ANK2: variants seen among roughly 807,000 people sequenced by gnomAD.
The protein encoded by ANK2 is ankyrin 2, also known as ankyrin-2.
ANK2 carries 83 observed loss-of-function variants against 360.5 expected under a neutral mutation model. The ratio of observed to expected loss-of-function variants is 0.23; its 90% CI spans 0.19 to 0.28. ANK2 has a LOEUF of 0.28. Ranked by LOEUF, ANK2 falls within the 10% of genes least tolerant of loss-of-function variation. The pLI is 1.00. For synonymous variants in ANK2, 1,740 were observed against 1,759.5 expected (o/e 0.99, Z 0.28); for missense variants, 4,201 against 4,795.7 (o/e 0.88, Z 3.66).
chr4:113,187,227 A>G (rs1267151540), intron 2 of ANK2, among the ~76,000 whole-genome samples: 1 of 152,170 alleles, frequency 6.6e-6, no homozygotes, highest in African/African-American at 2.4e-5. Context: ...GAGAATTTGC[A>G]ATGTGATATT....
chr4:112,965,114 G>C (rs917355918), intron 2 of ANK2, among the ~76,000 whole-genome samples: 1 of 152,126 alleles, frequency 6.6e-6, no homozygotes, highest in Non-Finnish European at 1.5e-5. Flanking sequence ...TTACATTTTT[G>C]TCAATAGTAT....
chr4:113,106,543 A>T (rs17625809), intron 1 of ANK2, among the ~76,000 whole-genome samples: 29,508 of 152,058 alleles, frequency 0.19, 2,934 homozygotes, highest in Non-Finnish European at 0.22. Flanking sequence ...TCTTTTTGGG[A>T]TCAGTCGTAA....
chr4:112,941,459 A>G (rs1021524582), intron 2 of ANK2, among the ~76,000 whole-genome samples: 158 of 144,062 alleles, frequency 1.1e-3, no homozygotes, highest in Non-Finnish European at 2.2e-3. Flanking sequence ...TCTTTTATAA[A>G]TATATCTTTA....
intron 24 of ANK2, among the ~76,000 whole-genome samples, chr4:113,317,046 A>C (rs1435984422): frequency 6.6e-6 from 1 of 152,190 alleles, no homozygotes; most frequent in Non-Finnish European, 1.5e-5. Context: ...CAGGACATGC[A>C]AAGGGGACAG....
At chr4:112,733,589 C>G in the ANK2 span, among the ~76,000 whole-genome samples, 2 of 152,124 alleles carry the variant, frequency 1.3e-5, no homozygotes, top group African/African-American at 4.8e-5. Context: ...GGTTTTTTCA[C>G]TGATACAGAC....
At chr4:113,348,338 G>C (rs766170847) in intron 36 of ANK2, 30 bp downstream of exon 36, 3 of 1,609,032 alleles carry the variant, frequency 1.9e-6, no homozygotes, top group Non-Finnish European at 2.6e-6. Context: ...ACTTGTTATC[G>C]GCTGTGTCAT....
rs1170201861 is a variant in ANK2 at position 113,352,717 on chromosome 4, GTTCT to G, written c.4427-325_4427-322del. On this transcript the variant is annotated intron_variant, in intron 37 of 45. Coordinates refer to ENST00000357077, the MANE Select transcript of ANK2 (RefSeq NM_001148.6). ...AGATACCTCTGTGTAATTTCACTGC[GTTCT>G]TTGTTTTGATATGTAGTGTTTTTTT... 4.6e-5 allele frequency among the ~76,000 whole-genome samples: 7 copies of G among 151,014 alleles called. No individual in the cohort carries two copies. The East Asian group carries it at 7.7e-4, about 17-fold the overall frequency.
intron 1 of ANK2, among the ~76,000 whole-genome samples, chr4:112,863,831 T>C (rs2069121378): frequency 6.6e-6 from 1 of 152,200 alleles, no homozygotes; most frequent in Non-Finnish European, 1.5e-5. Flanking sequence ...CTAGAGTGTC[T>C]TTATTATTAT....
chr4:112,812,540 T>A, the ANK2 span, among the ~76,000 whole-genome samples: 1 of 152,196 alleles, frequency 6.6e-6, no homozygotes, highest in Non-Finnish European at 1.5e-5. Context: ...ATGTTCCAGT[T>A]CAGGCACCAG....
chr4:113,073,357 T>C (rs2078537563), intron 1 of ANK2, among the ~76,000 whole-genome samples: 1 of 152,130 alleles, frequency 6.6e-6, no homozygotes, highest in Non-Finnish European at 1.5e-5. Context: ...GGAGCTCTGA[T>C]TCTTGACTGG....
intron 2 of ANK2, among the ~76,000 whole-genome samples, chr4:113,179,514 A>G (rs2098338427): frequency 6.6e-6 from 1 of 152,262 alleles, no homozygotes; most frequent in Non-Finnish European, 1.5e-5. Context: ...TAAATTTGGC[A>G]CATGAAAATA....
At chr4:112,959,067 C>T (rs1441385704) in intron 2 of ANK2, among the ~76,000 whole-genome samples, 1 of 151,956 alleles carries the variant, frequency 6.6e-6, no homozygotes, top group Non-Finnish European at 1.5e-5. Flanking sequence ...CCAGGCTGGT[C>T]TTGAACTCCT....
At chr4:113,334,573 TATTACTAGAAAGTTA>T (rs2093170594) in intron 29 of ANK2, among the ~76,000 whole-genome samples, 1 of 148,130 alleles carries the variant, frequency 6.8e-6, no homozygotes, top group Non-Finnish European at 1.5e-5. Flanking sequence ...TTAATTAATC[TATTACTAGAAAGTTA>T]ATAGATTAAT....
intron 2 of ANK2, among the ~76,000 whole-genome samples, chr4:113,187,784 G>A (rs1442559328): frequency 6.6e-6 from 1 of 152,178 alleles, no homozygotes; most frequent in African/African-American, 2.4e-5. Flanking sequence ...ACCCAGGATT[G>A]ACACATAATA....
In ANK2 at chr4:113,111,302, G is replaced by C. The variant is rs2094274278; in HGVS notation, c.84+61490G>C. Among the ~76,000 whole-genome samples the C allele has an allele frequency of 3.9e-5, 6 of 152,226 alleles. No individual in the cohort carries two copies. In the South Asian group the frequency reaches 1.2e-3, roughly 32 times the overall value. ...TATAAATGTAAAACTTACAGGTATT[G>C]ATCAAACTTACCAATAAAATTGTTT... is the stretch of plus-strand genomic sequence containing the variant. On this transcript the variant is annotated intron_variant, in intron 1 of 45. Transcript: ENST00000357077.
At chr4:113,192,910 G>C (rs1455698410) in intron 2 of ANK2, among the ~76,000 whole-genome samples, 3 of 145,774 alleles carry the variant, frequency 2.1e-5, no homozygotes, top group Non-Finnish European at 4.5e-5. Flanking sequence ...CTATATTTTA[G>C]GGATTGCATT....
the ANK2 span, among the ~76,000 whole-genome samples, chr4:112,748,812 T>C: frequency 6.6e-6 from 1 of 152,142 alleles, no homozygotes; most frequent in South Asian, 2.1e-4. Context: ...GAAACAAGAA[T>C]TGCAGATATT....
chr4:113,089,978 G>A (rs2086983234), intron 1 of ANK2, among the ~76,000 whole-genome samples: 1 of 152,114 alleles, frequency 6.6e-6, no homozygotes, highest in African/African-American at 2.4e-5. Flanking sequence ...TAAGTGTTTT[G>A]TTGTTGTTTG....
At chr4:112,809,175 T>A in the ANK2 span, among the ~76,000 whole-genome samples, 2 of 150,610 alleles carry the variant, frequency 1.3e-5, no homozygotes, top group East Asian at 4.1e-4. Flanking sequence ...ATTTAATAAA[T>A]TTTCTAGGAC....
Sources: gnomAD v4.1 joint callset for allele counts (sites outside exome capture counted in the v4.1 genomes callset) on GRCh38, gnomAD v4.1.1 for gene constraint, MANE v1.5 for transcripts, NCBI Gene and HGNC (gene_info 2026-07-23, HGNC 2026-07-21) for gene names.